The following SEMA6D variants were observed in gnomAD, a reference collection of about 807,000 sequenced individuals.
SEMA6D encodes the protein semaphorin 6D.
In SEMA6D, 35 loss-of-function variants were observed where a neutral mutation model predicts 106.6. The ratio of observed to expected loss-of-function variants is 0.33; its 90% confidence interval spans 0.25 to 0.44. The LOEUF (loss-of-function observed/expected upper bound fraction) is 0.44, where lower values mean the gene tolerates loss of function less well. Among genes scored for constraint, SEMA6D ranks in the 20% least tolerant of loss-of-function variants. SEMA6D has a pLI of 1.00. For synonymous variants in SEMA6D, 499 were observed against 487.7 expected, an observed-to-expected ratio of 1.02 and a Z score of -0.31; for missense variants, 1,185 against 1,345.9, an observed-to-expected ratio of 0.88 and a Z score of 1.87.
intron 3 of SEMA6D, among the ~76,000 whole-genome samples, chr15:47,493,075 G>A (rs949847177): frequency 6.6e-6 from 1 of 152,126 alleles, no homozygotes; most frequent in African/African-American, 2.4e-5. Context: ...CTTGTCAGCA[G>A]AACAGGAATT....
At chr15:47,303,130 AG>A (rs2036088346) in intron 1 of SEMA6D, among the ~76,000 whole-genome samples, 1 of 152,262 alleles carries the variant, frequency 6.6e-6, no homozygotes, top group Non-Finnish European at 1.5e-5. Context: ...AAGGGAGAAC[AG>A]GAGCAAAAGT....
chr15:47,672,182 A>G (rs1024586906), intron 4 of SEMA6D, among the ~76,000 whole-genome samples: 1 of 152,194 alleles, frequency 6.6e-6, no homozygotes, highest in Non-Finnish European at 1.5e-5. Flanking sequence ...GGTCTCACGC[A>G]GAGCCAGTAT....
At position 47,560,935 on chromosome 15, in the gene SEMA6D, C is replaced by T. The variant is rs148394928; in HGVS notation, c.-86-39930C>T. 6.1e-4 allele frequency among the ~76,000 whole-genome samples: 92 copies of T among 152,056 alleles called. 1 individual carries two copies. Among genetic ancestry groups the T allele is most frequent in the African/African-American group, 1.9e-3 (78 of 41,504 alleles). ...TTCTTCCCACATCCCTCATAATGAACCAAGCTTGCCAACATCTGCTTTCAG... is the reference window on the plus strand; with the variant it reads ...TTCTTCCCACATCCCTCATAATGAATCAAGCTTGCCAACATCTGCTTTCAG... On this transcript the variant is annotated intron_variant, in intron 3 of 19. Coordinates refer to the SEMA6D transcript ENST00000558014.
intron 1 of SEMA6D, among the ~76,000 whole-genome samples, chr15:47,333,011 T>C (rs1405722797): frequency 6.6e-6 from 1 of 152,196 alleles, no homozygotes; most frequent in Non-Finnish European, 1.5e-5. Flanking sequence ...CAAGAACTTA[T>C]TGTAACCTAA....
chr15:47,361,828 A>G (rs983964046), intron 1 of SEMA6D, among the ~76,000 whole-genome samples: 1 of 151,926 alleles, frequency 6.6e-6, no homozygotes, highest in Non-Finnish European at 1.5e-5. Flanking sequence ...CTTTATTTGT[A>G]AAAAGTTGCA....
At chr15:47,570,507 T>A (rs369646092) in intron 3 of SEMA6D, among the ~76,000 whole-genome samples, 2 of 152,350 alleles carry the variant, frequency 1.3e-5, no homozygotes, top group South Asian at 4.1e-4. Context: ...TATCTTTGAC[T>A]GAAAAAGAAG....
intron 3 of SEMA6D, among the ~76,000 whole-genome samples, chr15:47,568,490 C>T (rs969788455): frequency 6.6e-6 from 1 of 151,910 alleles, no homozygotes; most frequent in Admixed American, 6.6e-5. Flanking sequence ...TACCTGGGCC[C>T]ATTACATTAC....
At chr15:47,522,345 C>T (rs998238155) in intron 3 of SEMA6D, among the ~76,000 whole-genome samples, 2 of 152,140 alleles carry the variant, frequency 1.3e-5, no homozygotes, top group African/African-American at 4.8e-5. Flanking sequence ...AATATCCTGG[C>T]ACCATGCATT....
intron 3 of SEMA6D, among the ~76,000 whole-genome samples, chr15:47,565,961 T>C (rs1479433778): frequency 6.6e-6 from 1 of 152,218 alleles, no homozygotes; most frequent in African/African-American, 2.4e-5. Flanking sequence ...AAATATTTTT[T>C]AAACATCGCA....
intron 3 of SEMA6D, among the ~76,000 whole-genome samples, chr15:47,597,353 A>G (rs1237994500): frequency 1.3e-5 from 2 of 152,214 alleles, no homozygotes; most frequent in Admixed American, 6.5e-5. Flanking sequence ...TGGTCCGGCA[A>G]TTCCACTACT....
intron 4 of SEMA6D, among the ~76,000 whole-genome samples, chr15:47,618,436 T>C (rs2077043781): frequency 6.6e-6 from 1 of 152,240 alleles, no homozygotes; most frequent in Non-Finnish European, 1.5e-5. Flanking sequence ...GAGACTTGCC[T>C]GTGGCTCTGC....
intron 1 of SEMA6D, among the ~76,000 whole-genome samples, chr15:47,412,231 A>T (rs2040823762): frequency 6.6e-6 from 1 of 152,110 alleles, no homozygotes; most frequent in Non-Finnish European, 1.5e-5. Flanking sequence ...AAAAAAAGAA[A>T]ATCCACTGGT....
chr15:47,312,072 C>T (rs193090230), intron 1 of SEMA6D, among the ~76,000 whole-genome samples: 109 of 152,202 alleles, frequency 7.2e-4, no homozygotes, highest in African/African-American at 2.5e-3. Context: ...GGCCTGACCA[C>T]CCCAGTGATG....
chr15:47,633,973 G>T (rs760723545), intron 4 of SEMA6D, among the ~76,000 whole-genome samples: 1 of 151,876 alleles, frequency 6.6e-6, no homozygotes, highest in Non-Finnish European at 1.5e-5. Flanking sequence ...ATTTCCATTC[G>T]GTCTTTTTAA....
At chr15:47,637,175 G>C (rs1177887972) in intron 4 of SEMA6D, among the ~76,000 whole-genome samples, 1 of 152,198 alleles carries the variant, frequency 6.6e-6, no homozygotes, top group Non-Finnish European at 1.5e-5. Context: ...TCTCTTCAAA[G>C]CCAGTGTAGC....
At chr15:47,207,318 A>G (rs759121695) in intron 1 of SEMA6D, among the ~76,000 whole-genome samples, 4 of 151,992 alleles carry the variant, frequency 2.6e-5, no homozygotes, top group Non-Finnish European at 4.4e-5. Flanking sequence ...CTGTGCCACT[A>G]TGGTAAAGAA....
chr15:47,304,291 A>G (rs904697972), intron 1 of SEMA6D, among the ~76,000 whole-genome samples: 1 of 152,030 alleles, frequency 6.6e-6, no homozygotes, highest in South Asian at 2.1e-4. Context: ...TGAAAATACA[A>G]AAAAATTAGC....
intron 1 of SEMA6D, among the ~76,000 whole-genome samples, chr15:47,392,276 G>A (rs962766236): frequency 1.3e-5 from 2 of 152,108 alleles, no homozygotes; most frequent in South Asian, 2.1e-4. Flanking sequence ...GCCTCCCCCC[G>A]CCAAAGATAT....
chr15:47,386,259 A>C (rs1430048902), intron 1 of SEMA6D, among the ~76,000 whole-genome samples: 1 of 152,140 alleles, frequency 6.6e-6, no homozygotes, highest in Non-Finnish European at 1.5e-5. Context: ...AAAAGCTTCC[A>C]ACTGGGGGTA....
Sources: gnomAD v4.1 joint callset for allele counts (sites outside exome capture counted in the v4.1 genomes callset) on GRCh38, gnomAD v4.1.1 for gene constraint, MANE v1.5 for transcripts, NCBI Gene and HGNC (gene_info 2026-07-23, HGNC 2026-07-21) for gene names.